The following ADGRG4 variants were observed in gnomAD, a reference collection of about 807,000 sequenced individuals.
ADGRG4 encodes G protein-coupled receptor 112.
ADGRG4 carries 122 observed loss-of-function variants against 126.2 expected under a neutral mutation model. The observed-to-expected ratio is 0.97, with a 90% confidence interval of 0.83 to 1.12. The LOEUF is 1.12. ADGRG4 is among the 50% of genes most tolerant of loss of function. The pLI is 0.00. For missense variants in ADGRG4, 2,481 were observed against 2,251.8 expected (o/e 1.10, Z -2.06); for synonymous variants, 943 against 838.7 (o/e 1.12, Z -2.15).
rs1043950515 is a variant in ADGRG4, at chrX:136,340,393, C to T, written c.686-3999C>T. On this transcript the variant is annotated intron_variant, in intron 5 of 25. Transcript: ENST00000394143. ...CTAGGATATGAATGATTATTCAAGGCATATATCATATCAGGGAATGTCCAT... is the reference window on the plus strand; with the variant it reads ...CTAGGATATGAATGATTATTCAAGGTATATATCATATCAGGGAATGTCCAT... Among the ~76,000 whole-genome samples the T allele has an allele frequency of 2.7e-5, 3 of 111,379 alleles. No individual in the cohort carries two copies. The Admixed American group carries it at 2.9e-4, about 11-fold the overall frequency.
chrX:136,324,884 A>AT (rs748496959), intron 5 of ADGRG4, among the ~76,000 whole-genome samples: 1 of 111,594 alleles, frequency 9.0e-6, no homozygotes, highest in South Asian at 3.8e-4. Flanking sequence ...AAACCAATTC[A>AT]TTTTTTCTTC....
chrX:136,342,516 G>A (rs868387660), intron 5 of ADGRG4, among the ~76,000 whole-genome samples: 7 of 111,237 alleles, frequency 6.3e-5, no homozygotes, highest in African/African-American at 2.0e-4. Context: ...GGTATGAGGC[G>A]TCATAAGAGT....
intron 4 of ADGRG4, among the ~76,000 whole-genome samples, chrX:136,318,618 GATGAGTT>G (rs755718234): frequency 9.0e-6 from 1 of 111,639 alleles, no homozygotes; most frequent in Non-Finnish European, 1.9e-5. Context: ...TGAGATTTAT[GATGAGTT>G]TTTCCTAACA....
Position 136,352,503 on chromosome X carries a change from T to TA in ADGRG4, c.6823-821dup, listed in dbSNP as rs1244718047. ...CAACATGGCGAGATCTTGTTTTCTT[T>TA]AAAAAAAAAAAAAGTTTAAGAAAGA... On this transcript the variant is annotated intron_variant, in intron 7 of 25. Coordinates refer to ENST00000394143, the MANE Select transcript of ADGRG4 (RefSeq NM_153834.4). Among the ~76,000 whole-genome samples, 724 of 101,974 alleles carry TA rather than the reference T, an allele frequency of 7.1e-3. 2 individuals carry two copies. The highest frequency in any genetic ancestry group is 9.7e-3 in the Non-Finnish European group (480 of 49,702). 88.6% of individuals were successfully genotyped at this position (101,974 alleles called of 115,157 possible).
intron 22 of ADGRG4, among the ~76,000 whole-genome samples, chrX:136,404,126 A>G (rs2075392969): frequency 9.0e-6 from 1 of 111,716 alleles, no homozygotes; most frequent in Non-Finnish European, 1.9e-5. Flanking sequence ...CATCTTTCAT[A>G]CTGAGATGAC....
Position 136,308,834 on chromosome X carries a change from T to C in ADGRG4, c.57T>C (p.Phe19=), listed in dbSNP as rs1260734971. 2 of 1,107,310 alleles carry C rather than the reference T, an allele frequency of 1.8e-6. No homozygotes were observed. Among genetic ancestry groups the C allele is most frequent in the Non-Finnish European group, 2.5e-6 (2 of 800,776 alleles). The allele number at this position is 1,107,310 out of a possible 1,213,427, so 91.3% of individuals were successfully genotyped here. ...KLYGLILMSS[F]IFLSDTLSLK... ...ATGGATTGATTCTCATGTCGAGTTT[T>C]ATCTTTCTCTCAGGTAAGAAAATGT... is the stretch of plus-strand genomic sequence containing the variant. The change falls in exon 4 of 26, where the codon TTT becomes TTC. Residue 19 remains phenylalanine, a synonymous_variant. Coordinates refer to ENST00000394143, the MANE Select transcript of ADGRG4 (RefSeq NM_153834.4).
Position 136,344,597 on chromosome X carries a change from G to A in ADGRG4, c.891G>A (p.Met297Ile), listed in dbSNP as rs770046748. The change falls in exon 6 of 26, where the codon ATG (methionine) becomes ATA (isoleucine). Residue 297 changes from methionine to isoleucine, a missense_variant. By Grantham distance (10) the Met-to-Ile change is conservative (BLOSUM62 1). Coordinates refer to ENST00000394143, the MANE Select transcript of ADGRG4 (RefSeq NM_153834.4). ...CAACATCTCCACCTCTGGAAACAAT[G>A]ACTGCACAAAAAATCTTAAAGACAC... ...SNTTSPPLET[M>I]TAQKILKTLV... 1.7e-6 allele frequency: 2 copies of A among 1,206,774 alleles called. No homozygotes were observed. The highest frequency in any genetic ancestry group is 5.9e-5 in the East Asian group (2 of 33,797).
intron 4 of ADGRG4, among the ~76,000 whole-genome samples, chrX:136,312,759 T>C (rs189346949): frequency 1.8e-5 from 2 of 112,181 alleles, no homozygotes; most frequent in East Asian, 5.6e-4. Flanking sequence ...ATCACTACTA[T>C]CTAATTCCAG....
intron 4 of ADGRG4, among the ~76,000 whole-genome samples, chrX:136,318,095 T>C (rs1276978823): frequency 8.9e-6 from 1 of 112,633 alleles, no homozygotes; most frequent in Non-Finnish European, 1.9e-5. Flanking sequence ...ATGACATGCA[T>C]GTTCATAGCA....
At chrX:136,316,333 A>G (rs892786151) in intron 4 of ADGRG4, among the ~76,000 whole-genome samples, 8 of 111,201 alleles carry the variant, frequency 7.2e-5, no homozygotes, top group African/African-American at 2.0e-4. Flanking sequence ...AAAAACCTGT[A>G]TAGGATATGT....
intron 4 of ADGRG4, among the ~76,000 whole-genome samples, chrX:136,310,017 G>C (rs998849785): frequency 2.4e-4 from 27 of 111,414 alleles, no homozygotes; most frequent in African/African-American, 8.5e-4. Flanking sequence ...GCATGGTATA[G>C]AGCAATCTAG....
intron 5 of ADGRG4, among the ~76,000 whole-genome samples, chrX:136,337,181 C>T (rs571272249): frequency 9.0e-6 from 1 of 111,470 alleles, no homozygotes; most frequent in Admixed American, 9.5e-5. Flanking sequence ...GCTGCCCAGG[C>T]TGGTCTTGAA....
At chrX:136,335,893 A>G (rs778397947) in intron 5 of ADGRG4, among the ~76,000 whole-genome samples, 1 of 108,047 alleles carries the variant, frequency 9.3e-6, no homozygotes, top group Non-Finnish European at 1.9e-5. Context: ...TTATTTTTTT[A>G]TTCTGCCTGC....
intron 5 of ADGRG4, among the ~76,000 whole-genome samples, chrX:136,336,517 G>A (rs2074949141): frequency 9.0e-6 from 1 of 111,286 alleles, no homozygotes. Flanking sequence ...TGTATTTTGA[G>A]GCTCTGTTGT....
chrX:136,377,121 A>T (rs759129525), intron 15 of ADGRG4, among the ~76,000 whole-genome samples: 1 of 106,935 alleles, frequency 9.4e-6, no homozygotes, highest in East Asian at 2.9e-4. Context: ...CTATTTTCTC[A>T]ATAATGTCTT....
intron 4 of ADGRG4, among the ~76,000 whole-genome samples, chrX:136,315,451 G>A (rs1027326218): frequency 4.5e-5 from 5 of 111,155 alleles, no homozygotes; most frequent in African/African-American, 1.6e-4. Flanking sequence ...CCAAGATAAG[G>A]CAGACATGGA....
intron 23 of ADGRG4, among the ~76,000 whole-genome samples, chrX:136,406,687 G>A (rs1479874566): frequency 8.9e-6 from 1 of 111,877 alleles, no homozygotes; most frequent in Non-Finnish European, 1.9e-5. Flanking sequence ...GCCGAGGCAG[G>A]CAGATCACTT....
chrX:136,358,101 C>T (rs1335737537), intron 10 of ADGRG4, among the ~76,000 whole-genome samples: 5 of 111,462 alleles, frequency 4.5e-5, no homozygotes, highest in African/African-American at 1.6e-4. Flanking sequence ...AAAGTAGCTT[C>T]GGTTCTGTTC....
rs147143419 is a variant in ADGRG4 at position 136,346,669 on chromosome X, C to T, written c.2963C>T (p.Thr988Met). ...ACTACCCCTACAGACAGGACAGCTA[C>T]GTCCTTGTCTGATGGTATCTTACCT... is the stretch of plus-strand genomic sequence containing the variant. The part of the protein sequence containing the change: ...FSTTPTDRTA[T>M]SLSDGILPPQ... Residue 988 changes from threonine (T) to methionine (M), a missense_variant, in exon 6 of 26, where the codon ACG becomes ATG. Transcript: ENST00000394143. 730 of 1,208,920 alleles carry T rather than the reference C, an allele frequency of 6.0e-4. 1 individual carries two copies. Among genetic ancestry groups the T allele is most frequent in the Non-Finnish European group, 7.7e-4 (693 of 894,427 alleles).
Sources: allele counts gnomAD v4.1 joint callset (sites outside exome capture counted in the v4.1 genomes callset), GRCh38; gene constraint gnomAD v4.1.1; transcripts MANE v1.5; gene names NCBI Gene and HGNC (gene_info 2026-07-23, HGNC 2026-07-21).